Variants in HIVEP3 observed in about 807,000 individuals in gnomAD.
HIVEP3 encodes HIVEP zinc finger 3, also known as transcription factor HIVEP3.
HIVEP3 carries 49 observed loss-of-function variants against 152.8 expected under a neutral mutation model. That is an observed-to-expected ratio of 0.32 (90% CI 0.26 to 0.41). The LOEUF (loss-of-function observed/expected upper bound fraction) is 0.41. Among genes scored for constraint, HIVEP3 ranks in the 10% least tolerant of loss-of-function variants. The pLI, the probability that HIVEP3 is intolerant of heterozygous loss-of-function variation, is 1.00. For synonymous variants in HIVEP3, 1,269 were observed against 1,289.0 expected (o/e 0.98, Z 0.33); for missense variants, 2,790 against 3,103.3 (o/e 0.90, Z 2.40).
chr1:42,007,687 C>A (rs1645467872), intron 1 of HIVEP3, among the ~76,000 whole-genome samples: 1 of 152,196 alleles, frequency 6.6e-6, no homozygotes, highest in African/African-American at 2.4e-5. Context: ...ACACTGTTCA[C>A]CAGAAATACA....
chr1:41,520,816 G>T (rs927533289), intron 6 of HIVEP3, among the ~76,000 whole-genome samples: 15 of 152,218 alleles, frequency 9.9e-5, no homozygotes, highest in African/African-American at 2.9e-4. Flanking sequence ...ACCCCCGCCA[G>T]GCTGAGGTTC....
intron 7 of HIVEP3, among the ~76,000 whole-genome samples, chr1:41,516,754 A>G (rs1283409584): frequency 2.0e-5 from 3 of 152,148 alleles, no homozygotes; most frequent in Non-Finnish European, 4.4e-5. Context: ...CGGGGACCCC[A>G]CACCTGCTGC....
At chr1:41,954,550 G>A (rs1409415612) in intron 1 of HIVEP3, among the ~76,000 whole-genome samples, 1 of 152,260 alleles carries the variant, frequency 6.6e-6, no homozygotes, top group Non-Finnish European at 1.5e-5. Flanking sequence ...GCAGCTGTTT[G>A]CAAGGACAGG....
At chr1:41,530,555 G>T (rs773663836) in intron 5 of HIVEP3, among the ~76,000 whole-genome samples, 1 of 152,118 alleles carries the variant, frequency 6.6e-6, no homozygotes, top group East Asian at 1.9e-4. Flanking sequence ...TGGAAGCCCC[G>T]CAACCTCCTG....
intron 1 of HIVEP3, among the ~76,000 whole-genome samples, chr1:41,841,133 A>C (rs1643278156): frequency 1.3e-5 from 2 of 152,038 alleles, no homozygotes; most frequent in Non-Finnish European, 2.9e-5. Flanking sequence ...CTGCGTTTCC[A>C]CCTACAAACC....
chr1:41,842,019 A>T (rs1643303282), intron 1 of HIVEP3, among the ~76,000 whole-genome samples: 1 of 151,916 alleles, frequency 6.6e-6, no homozygotes, highest in African/African-American at 2.4e-5. Context: ...CTTGAACCCA[A>T]GAGGTGGAGG....
chr1:41,972,647 G>T (rs1327160245), intron 1 of HIVEP3, among the ~76,000 whole-genome samples: 2 of 152,188 alleles, frequency 1.3e-5, no homozygotes, highest in Non-Finnish European at 2.9e-5. Context: ...TCCTTGAAGA[G>T]GTGGCATGTA....
chr1:41,642,680 T>C (rs1171408131), intron 2 of HIVEP3, among the ~76,000 whole-genome samples: 2 of 152,226 alleles, frequency 1.3e-5, no homozygotes. Context: ...TCACAGAGCC[T>C]TGAACATAAT....
chr1:41,583,527 C>T lies in HIVEP3; in HGVS notation c.1271G>A (p.Arg424Gln), dbSNP rs752568818. 1.5e-5 allele frequency: 24 copies of T among 1,613,952 alleles called. No individual in the cohort carries two copies. Among genetic ancestry groups the T allele is most frequent in the African/African-American group, 5.3e-5 (4 of 74,890 alleles). Reference protein sequence around the residue: ...YAEIIFGKCGRIGQRTAMLTA... With the variant: ...YAEIIFGKCGQIGQRTAMLTA... ...CAGCATGGCGGTCCGCTGTCCTATT[C>T]GCCCACACTTGCCAAAGATGATCTC... Residue 424 changes from arginine (R) to glutamine (Q), a missense_variant, in exon 4 of 9, where the codon CGA (arginine) becomes CAA (glutamine). Transcript: ENST00000372583. This position sits in a 1 kb window ranked among gnomAD's most constrained non-coding sequence, Gnocchi z 6.9.
intron 5 of HIVEP3, among the ~76,000 whole-genome samples, chr1:41,540,700 G>A (rs936118873): frequency 3.3e-5 from 5 of 152,170 alleles, no homozygotes; most frequent in Non-Finnish European, 7.3e-5. Context: ...CTGGGAGGTA[G>A]CTCAGCCAAA....
chr1:41,751,014 C>G (rs1274824973), intron 1 of HIVEP3, among the ~76,000 whole-genome samples: 1 of 152,146 alleles, frequency 6.6e-6, no homozygotes, highest in East Asian at 1.9e-4. Flanking sequence ...GCACCGCACC[C>G]GGCCCCCAGT....
chr1:41,672,146 G>A (rs1471257083), intron 2 of HIVEP3, among the ~76,000 whole-genome samples: 1 of 152,192 alleles, frequency 6.6e-6, no homozygotes, highest in Non-Finnish European at 1.5e-5. Context: ...TCACCTGGGA[G>A]AGCCACTTTC....
chr1:42,023,821 C>A (rs7535211), intron 1 of HIVEP3, among the ~76,000 whole-genome samples: 7,775 of 152,236 alleles, frequency 0.051, 643 homozygotes, highest in African/African-American at 0.18. Flanking sequence ...ATTACCCAGT[C>A]TAAGGACATC....
chr1:41,851,848 G>C (rs1342546150), intron 1 of HIVEP3, among the ~76,000 whole-genome samples: 1 of 152,182 alleles, frequency 6.6e-6, no homozygotes, highest in African/African-American at 2.4e-5. Context: ...GGTGAGTCAG[G>C]TCTTCCTGGA....
chr1:41,844,000 T>A (rs1258637779), intron 1 of HIVEP3, among the ~76,000 whole-genome samples: 1 of 152,062 alleles, frequency 6.6e-6, no homozygotes, highest in East Asian at 1.9e-4. Flanking sequence ...GATTTTTAAA[T>A]TCACAGTGAT....
chr1:41,773,265 G>A (rs1288686534), intron 1 of HIVEP3, among the ~76,000 whole-genome samples: 1 of 152,188 alleles, frequency 6.6e-6, no homozygotes, highest in Non-Finnish European at 1.5e-5. Context: ...AGTGACTGGT[G>A]GAACTAAGCC....
intron 2 of HIVEP3, among the ~76,000 whole-genome samples, chr1:41,649,862 T>C (rs1399868039): frequency 1.3e-5 from 2 of 152,128 alleles, no homozygotes; most frequent in African/African-American, 4.8e-5. Context: ...TTGCCAAAAT[T>C]CTGTAAGACT....
intron 1 of HIVEP3, among the ~76,000 whole-genome samples, chr1:41,897,884 C>T (rs977843837): frequency 6.6e-6 from 1 of 150,470 alleles, no homozygotes; most frequent in Non-Finnish European, 1.5e-5. Context: ...TGACCTAATT[C>T]TTTATTGCTG....
chr1:41,609,305 C>T lies in HIVEP3; in HGVS notation c.-522+19444G>A, dbSNP rs559728352. Among the ~76,000 whole-genome samples the T allele has an allele frequency of 2.6e-4, 40 of 152,364 alleles. No homozygotes were observed. In the South Asian group the frequency reaches 8.3e-3, roughly 32 times the overall value. On this transcript the variant is annotated intron_variant, in intron 3 of 8. Coordinates refer to ENST00000372583, the MANE Select transcript of HIVEP3 (RefSeq NM_024503.5). ...TTCTGATGTTCCTGAACCTGGGCCC[C>T]CACCGATGCACAATGCCCACCTAGT...
Sources: gnomAD v4.1 joint callset for allele counts (sites outside exome capture counted in the v4.1 genomes callset) on GRCh38, gnomAD v4.1.1 for gene constraint, Gnocchi (gnomAD v3.1) non-coding constraint, MANE v1.5 for transcripts, NCBI Gene and HGNC (gene_info 2026-07-23, HGNC 2026-07-21) for gene names.